Variants in GALNT3 observed in about 807,000 individuals in gnomAD.
GALNT3 encodes the protein GalNAc transferase 3.
Under a neutral mutation model 69.8 loss-of-function variants are expected in GALNT3, and 51 were observed. The ratio of observed to expected loss-of-function variants is 0.73; its 90% confidence interval spans 0.58 to 0.92. The LOEUF (loss-of-function observed/expected upper bound fraction) is 0.92. Ranked by LOEUF, GALNT3 falls within the 40% of genes least tolerant of loss-of-function variation. The pLI, the probability that GALNT3 is intolerant of heterozygous loss-of-function variation, is 0.00. For synonymous variants in GALNT3, 265 were observed against 248.5 expected (o/e 1.07, Z -0.63); for missense variants, 711 against 760.0 (o/e 0.94, Z 0.76).
At chr2:165,749,986 A>T in intron 9 of GALNT3, 92 bp from the exon 10 acceptor site, 1 of 1,136,430 alleles carries the variant, frequency 8.8e-7, no homozygotes, top group Non-Finnish European at 1.3e-6. Context: ...TAAATAATAA[A>T]GTCATTTCTA....
chr2:165,749,850 C>A lies in GALNT3; in HGVS notation c.1671G>T (p.Gln557His). 6.2e-7 allele frequency: 1 copy of A among 1,613,664 alleles called. No homozygotes were observed. Among genetic ancestry groups the A allele is most frequent in the African/African-American group, 1.3e-5 (1 of 75,010 alleles). Residue 557 changes from glutamine (Q) to histidine (H), a missense_variant, in exon 10 of 11, where the codon CAG becomes CAT. Coordinates refer to ENST00000392701, the MANE Select transcript of GALNT3 (RefSeq NM_004482.4). Reference protein sequence around the residue: ...SAQHEIRHNIQKELCLHAAQG... With the variant: ...SAQHEIRHNIHKELCLHAAQG... ...GAGCAGCATGAAGACATAATTCCTT[C>A]TGGATGTTGTGCCGAATTTCATGTT...
At chr2:165,759,617 T>C in intron 4 of GALNT3, 47 bp from the exon 5 acceptor site, 1 of 1,433,916 alleles carries the variant, frequency 7.0e-7, no homozygotes, top group South Asian at 1.2e-5. Context: ...CATTGAAGTT[T>C]TTTTCTTTAG....
chr2:165,761,626 A>AAT (rs1553492799), intron 4 of GALNT3: 4 of 637,322 alleles, frequency 6.3e-6, no homozygotes, highest in Non-Finnish European at 1.1e-5. Context: ...GGAAAAAAAA[A>AAT]AAAGAGGCAA....
chr2:165,768,866 G>A (rs940013479), intron 2 of GALNT3, among the ~76,000 whole-genome samples: 18 of 146,698 alleles, frequency 1.2e-4, no homozygotes, highest in East Asian at 1.0e-3. Context: ...ACAGATCTCC[G>A]CTCACTTCAA....
chr2:165,758,126 G>A (rs888976730), intron 6 of GALNT3, among the ~76,000 whole-genome samples: 4 of 152,136 alleles, frequency 2.6e-5, no homozygotes, highest in African/African-American at 9.7e-5. Context: ...TTCAAACTTG[G>A]CTAAGATCAT....
At chr2:165,766,112 CA>C (rs1242319485) in intron 2 of GALNT3, among the ~76,000 whole-genome samples, 2 of 152,070 alleles carry the variant, frequency 1.3e-5, no homozygotes, top group Non-Finnish European at 2.9e-5. Context: ...CATCATTCAG[CA>C]AATACTTATT....
At chr2:165,774,175 T>C (rs1688805199) in intron 1 of GALNT3, among the ~76,000 whole-genome samples, 1 of 152,122 alleles carries the variant, frequency 6.6e-6, no homozygotes, top group South Asian at 2.1e-4. Context: ...TGACAAAAGG[T>C]AGATATTCAT....
At chr2:165,793,192 T>G (rs899319740) in intron 1 of GALNT3, among the ~76,000 whole-genome samples, 11 of 152,156 alleles carry the variant, frequency 7.2e-5, no homozygotes, top group Non-Finnish European at 1.5e-4. Context: ...AGCTTAGACG[T>G]GGCAGGATCC....
chr2:165,766,377 T>C (rs1465069159), intron 2 of GALNT3, among the ~76,000 whole-genome samples: 1 of 152,218 alleles, frequency 6.6e-6, no homozygotes. Context: ...TACTTATAAA[T>C]TGATCTCAAA....
chr2:165,789,359 G>T (rs889404052), intron 1 of GALNT3, among the ~76,000 whole-genome samples: 3 of 152,104 alleles, frequency 2.0e-5, no homozygotes, highest in African/African-American at 7.2e-5. Flanking sequence ...AACACACGAG[G>T]CCAAGGCCCT....
In GALNT3 at chr2:165,770,208, C is replaced by T. The variant is rs147779149; in HGVS notation, c.493G>A (p.Gly165Arg). 326 of 1,613,930 alleles carry T rather than the reference C, an allele frequency of 2.0e-4. No individual in the cohort carries two copies. Among genetic ancestry groups the T allele is most frequent in the African/African-American group, 2.5e-4 (19 of 74,870 alleles). Residue 165 changes from glycine to arginine, a missense_variant, in exon 2 of 11, where the codon GGA (glycine) becomes AGA (arginine). Coordinates refer to ENST00000392701, the MANE Select transcript of GALNT3 (RefSeq NM_004482.4). ...TACTCAGGAGGTCGAGTGTCTGGTC[C>T]AAGATCTCGGTGCAAAGAAATCCTG... is the stretch of plus-strand genomic sequence containing the variant. ...SDRISLHRDL[G>R]PDTRPPECIE...
At chr2:165,758,128 T>C (rs943263990) in intron 6 of GALNT3, among the ~76,000 whole-genome samples, 1 of 152,190 alleles carries the variant, frequency 6.6e-6, no homozygotes, top group Non-Finnish European at 1.5e-5. Context: ...CAAACTTGGC[T>C]AAGATCATCA....
chr2:165,776,261 A>T (rs1027986248), intron 1 of GALNT3, among the ~76,000 whole-genome samples: 1 of 152,130 alleles, frequency 6.6e-6, no homozygotes, highest in Non-Finnish European at 1.5e-5. Flanking sequence ...CTACGTAAAA[A>T]CAGCTCGTGA....
At chr2:165,754,444 C>T (rs1255697909) in intron 9 of GALNT3, among the ~76,000 whole-genome samples, 183 bp downstream of exon 9, 3 of 109,538 alleles carry the variant, frequency 2.7e-5, no homozygotes, top group Non-Finnish European at 5.9e-5. Context: ...AAATTGTTTT[C>T]AGAGCCAGAG....
rs112704936 is a variant in GALNT3 at position 165,748,777 on chromosome 2, A to T, written c.*4T>A. On this transcript the variant is annotated 3_prime_UTR_variant, in exon 11 of 11. Transcript: ENST00000392701. ...TCCTTTTTCAACTTAATTTTAAGGA[A>T]CACTTAATCATTTTGGCTAAGTATC... 3.7e-6 allele frequency: 6 copies of T among 1,607,976 alleles called. No individual in the cohort carries two copies. The highest frequency in any genetic ancestry group is 4.3e-6 in the Non-Finnish European group (5 of 1,176,372).
At chr2:165,757,316 A>G (rs1215683995) in intron 6 of GALNT3, 69 bp from the exon 7 acceptor site, 10 of 1,481,708 alleles carry the variant, frequency 6.7e-6, no homozygotes, top group Admixed American at 5.1e-5. Flanking sequence ...TTTTAAGTTC[A>G]CCTTTAAGGT....
chr2:165,754,705 T>C lies in GALNT3; in HGVS notation c.1548A>G (p.Leu516=), dbSNP rs1240302653. 2.5e-6 allele frequency: 4 copies of C among 1,613,076 alleles called. No homozygotes were observed. Among genetic ancestry groups the C allele is most frequent in the Middle Eastern group, 1.6e-4 (1 of 6,078 alleles). Residue 516 remains leucine, a synonymous_variant, in exon 9 of 11, where the codon CTA becomes CTG. Transcript: ENST00000392701. ...SGYIKSVGQP[L]CLDVGENNQG... is the part of the protein sequence containing the mutation. ...GATTGTTTTCTCCAACATCCAGACA[T>C]AGAGGCTGACCAACGCTTTTAATCT...
chr2:165,758,826 T>C lies in GALNT3; in HGVS notation c.1112A>G (p.Lys371Arg), dbSNP rs200518001. 58 of 1,611,470 alleles carry C rather than the reference T, an allele frequency of 3.6e-5. No individual in the cohort carries two copies. Among genetic ancestry groups the C allele is most frequent in the Non-Finnish European group, 4.7e-5 (55 of 1,177,874 alleles). ...GCTTCCAATATACTCAAAATATTCT[T>C]TTGATATGGAAAAAAGTCCTCCTGC... Reference protein sequence around the residue: ...TFAGGLFSISKEYFEYIGSYD... With the variant: ...TFAGGLFSISREYFEYIGSYD... Residue 371 changes from lysine to arginine, a missense_variant, in exon 6 of 11, where the codon AAA (lysine) becomes AGA (arginine). Lys to Arg is a conservative substitution (Grantham distance 26, BLOSUM62 2). Coordinates refer to ENST00000392701, the MANE Select transcript of GALNT3 (RefSeq NM_004482.4).
intron 2 of GALNT3, among the ~76,000 whole-genome samples, chr2:165,765,495 TA>T (rs1688621692): frequency 7.8e-6 from 1 of 128,640 alleles, no homozygotes; most frequent in South Asian, 2.4e-4. Flanking sequence ...ACCACTTTAT[TA>T]ATTTTTTTTT....
Sources: gnomAD v4.1 joint callset for allele counts (sites outside exome capture counted in the v4.1 genomes callset) on GRCh38, gnomAD v4.1.1 for gene constraint, MANE v1.5 for transcripts, NCBI Gene and HGNC (gene_info 2026-07-23, HGNC 2026-07-21) for gene names.